Variants in SHISA9 observed in about 807,000 individuals in gnomAD.
The protein encoded by SHISA9 is protein shisa-9.
In SHISA9, 13 loss-of-function variants were observed where a neutral mutation model predicts 38.0. The ratio of observed to expected loss-of-function variants is 0.34; its 90% CI spans 0.22 to 0.54. The LOEUF is 0.54. SHISA9 is among the 20% of genes least tolerant of loss of function. SHISA9 has a pLI of 0.91. For missense variants in SHISA9, 538 were observed against 575.8 expected (o/e 0.93, Z 0.67); for synonymous variants, 275 against 242.0 (o/e 1.14, Z -1.27).
intron 1 of SHISA9, among the ~76,000 whole-genome samples, chr16:12,915,355 C>G (rs546913170): frequency 1.3e-5 from 2 of 152,266 alleles, no homozygotes; most frequent in South Asian, 4.2e-4. Flanking sequence ...GTGGTCCCAG[C>G]TATTCAGGAG....
chr16:12,977,315 A>G (rs1294811541), intron 2 of SHISA9, among the ~76,000 whole-genome samples: 1 of 152,120 alleles, frequency 6.6e-6, no homozygotes, highest in East Asian at 1.9e-4. Flanking sequence ...GCACAGTTCA[A>G]CTTAGGGGAA....
At chr16:13,014,459 G>C (rs2072717282) in intron 2 of SHISA9, among the ~76,000 whole-genome samples, 1 of 152,216 alleles carries the variant, frequency 6.6e-6, no homozygotes, top group Non-Finnish European at 1.5e-5. Flanking sequence ...CAGAGCAAGT[G>C]ATAATGTCCT....
At chr16:13,143,271 A>G (rs1477482990) in intron 2 of SHISA9, among the ~76,000 whole-genome samples, 1 of 152,018 alleles carries the variant, frequency 6.6e-6, no homozygotes. Context: ...TGGCCTCTCA[A>G]AGTGCTGGGA....
At chr16:13,357,504 G>A in the SHISA9 span, among the ~76,000 whole-genome samples, 1 of 152,174 alleles carries the variant, frequency 6.6e-6, no homozygotes, top group Non-Finnish European at 1.5e-5. Context: ...CTTTGTCACG[G>A]AGCAAAGAGC....
At chr16:12,921,996 G>A (rs1202799150) in intron 2 of SHISA9, among the ~76,000 whole-genome samples, 2 of 152,194 alleles carry the variant, frequency 1.3e-5, no homozygotes, top group African/African-American at 4.8e-5. Context: ...GCTCAGAGTG[G>A]TTAGGTGGCT....
chr16:12,997,337 A>G (rs1327179537), intron 2 of SHISA9, among the ~76,000 whole-genome samples: 2 of 150,312 alleles, frequency 1.3e-5, no homozygotes, highest in East Asian at 1.9e-4. Flanking sequence ...GTAGTATTCC[A>G]TAGTATACTG....
intron 2 of SHISA9, among the ~76,000 whole-genome samples, chr16:13,047,246 T>A (rs1212260071): frequency 6.6e-6 from 1 of 152,000 alleles, no homozygotes; most frequent in Admixed American, 6.6e-5. Flanking sequence ...CTGCCCCTTC[T>A]GCCCATCATG....
the SHISA9 span, among the ~76,000 whole-genome samples, chr16:13,478,623 T>C: frequency 6.6e-6 from 1 of 152,204 alleles, no homozygotes; most frequent in Non-Finnish European, 1.5e-5. Flanking sequence ...AAAAATTTAT[T>C]TATGATTTAG....
chr16:13,229,423 G>A (rs565058881), intron 4 of SHISA9, among the ~76,000 whole-genome samples: 1 of 152,310 alleles, frequency 6.6e-6, no homozygotes, highest in South Asian at 2.1e-4. Context: ...TAGGAGTGAA[G>A]TGATACTTCC....
chr16:13,489,162 T>G, the SHISA9 span, among the ~76,000 whole-genome samples: 1 of 152,118 alleles, frequency 6.6e-6, no homozygotes, highest in Non-Finnish European at 1.5e-5. Flanking sequence ...TTCTCCTGCC[T>G]AGGCCTCCTG....
intron 2 of SHISA9, among the ~76,000 whole-genome samples, chr16:13,023,787 T>C (rs931443996): frequency 6.6e-6 from 1 of 152,232 alleles, no homozygotes; most frequent in Non-Finnish European, 1.5e-5. Flanking sequence ...TGTGCATTTT[T>C]TCGTGTGTCT....
chr16:13,147,753 G>A (rs937732934), intron 2 of SHISA9, among the ~76,000 whole-genome samples: 1 of 152,182 alleles, frequency 6.6e-6, no homozygotes, highest in Non-Finnish European at 1.5e-5. Flanking sequence ...AAGCCACCAC[G>A]CCCAGCCTGA....
chr16:13,425,023 T>C, the SHISA9 span, among the ~76,000 whole-genome samples: 1 of 152,132 alleles, frequency 6.6e-6, no homozygotes, highest in Admixed American at 6.5e-5. Flanking sequence ...TACACAGCCA[T>C]AAAAAGAATG....
At chr16:13,458,255 G>A in the SHISA9 span, 1 of 214,970 alleles carries the variant, frequency 4.7e-6, no homozygotes, top group African/African-American at 2.4e-5. Context: ...ACTGTCATGG[G>A]TCACCTTCCT....
chr16:13,217,674 T>C (rs554177326), intron 4 of SHISA9, among the ~76,000 whole-genome samples: 13 of 152,290 alleles, frequency 8.5e-5, no homozygotes, highest in Admixed American at 8.5e-4. Flanking sequence ...TCACAAAGTC[T>C]CCATTTATCT....
At chr16:13,007,760 C>T (rs924906105) in intron 2 of SHISA9, among the ~76,000 whole-genome samples, 22 of 152,220 alleles carry the variant, frequency 1.4e-4, no homozygotes, top group South Asian at 2.1e-4. Context: ...CTTTCTTCTA[C>T]GCAGCTGTTT....
chr16:13,481,597 C>G, the SHISA9 span, among the ~76,000 whole-genome samples: 1 of 152,184 alleles, frequency 6.6e-6, no homozygotes, highest in Non-Finnish European at 1.5e-5. Context: ...CCTGTAAACA[C>G]TGTGAGACCA....
At chr16:13,220,362 A>G (rs543235812) in intron 4 of SHISA9, among the ~76,000 whole-genome samples, 2 of 152,312 alleles carry the variant, frequency 1.3e-5, no homozygotes, top group South Asian at 4.1e-4. Flanking sequence ...GAGAAATTCA[A>G]ACCAGCAAGC....
chr16:13,102,673 C>T (rs1189956380), intron 2 of SHISA9, among the ~76,000 whole-genome samples: 2 of 152,218 alleles, frequency 1.3e-5, no homozygotes, highest in African/African-American at 4.8e-5. Flanking sequence ...ACTCCCCTCT[C>T]CTTCCCCACA....
Sources: allele counts gnomAD v4.1 joint callset (sites outside exome capture counted in the v4.1 genomes callset), GRCh38; gene constraint gnomAD v4.1.1; transcripts MANE v1.5; gene names NCBI Gene and HGNC (gene_info 2026-07-23, HGNC 2026-07-21).